FNDC1: variants seen among roughly 807,000 people sequenced by gnomAD.
FNDC1 encodes the protein fibronectin type III domain-containing protein 1.
FNDC1 carries 96 observed loss-of-function variants against 168.0 expected under a neutral mutation model. The ratio of observed to expected loss-of-function variants is 0.57; its 90% confidence interval spans 0.48 to 0.68. FNDC1 has a LOEUF of 0.68. Ranked by LOEUF, FNDC1 falls within the 30% of genes least tolerant of loss-of-function variation. The probability of loss-of-function intolerance (pLI) is 0.00; values close to 1 mark genes in which losing one functional copy is unlikely to be tolerated. For synonymous variants in FNDC1, 1,099 were observed against 1,025.9 expected (o/e 1.07, Z -1.36); for missense variants, 2,587 against 2,482.1 (o/e 1.04, Z -0.90).
intron 1 of FNDC1, among the ~76,000 whole-genome samples, chr6:159,180,496 A>G (rs1288832125): frequency 6.6e-6 from 1 of 152,018 alleles, no homozygotes; most frequent in African/African-American, 2.4e-5. Context: ...TTTAAGTTCC[A>G]GGGTACATGT....
At chr6:159,198,642 T>G (rs547755648) in intron 2 of FNDC1, among the ~76,000 whole-genome samples, 8 of 152,332 alleles carry the variant, frequency 5.3e-5, no homozygotes, top group Non-Finnish European at 1.2e-4. Context: ...ATCTCCTTGC[T>G]CAAACCTTGG....
intron 18 of FNDC1, 93 bp from the exon 19 acceptor site, chr6:159,261,097 C>A: frequency 1.1e-6 from 1 of 893,950 alleles, no homozygotes; most frequent in South Asian, 1.5e-5. Context: ...CAAAGCCTGT[C>A]ACGGTTCAGG....
chr6:159,215,174 T>G (rs770569902), intron 5 of FNDC1, 23 bp downstream of exon 5: 1 of 1,591,190 alleles, frequency 6.3e-7, no homozygotes, highest in Non-Finnish European at 8.6e-7. Flanking sequence ...TTCATTGGTA[T>G]TCAATGTTTC....
At chr6:159,177,765 T>G (rs1258094953) in intron 1 of FNDC1, among the ~76,000 whole-genome samples, 1 of 152,060 alleles carries the variant, frequency 6.6e-6, no homozygotes. Context: ...GACAGAAAGC[T>G]CAGGAGTGCC....
chr6:159,204,455 G>A (rs541972074), intron 4 of FNDC1, among the ~76,000 whole-genome samples: 5 of 152,212 alleles, frequency 3.3e-5, no homozygotes, highest in Non-Finnish European at 5.9e-5. Flanking sequence ...ACACCCTCAC[G>A]TCAGAAGCTT....
At chr6:159,228,269 G>A (rs1269630944) in intron 9 of FNDC1, among the ~76,000 whole-genome samples, 1 of 152,168 alleles carries the variant, frequency 6.6e-6, no homozygotes, top group Non-Finnish European at 1.5e-5. Context: ...GCCTGCTTAG[G>A]TCGTTTTTGT....
intron 5 of FNDC1, among the ~76,000 whole-genome samples, chr6:159,219,500 A>AGC (rs1782777647): frequency 6.6e-6 from 1 of 151,960 alleles, no homozygotes; most frequent in Non-Finnish European, 1.5e-5. Context: ...ATTGAGAGCC[A>AGC]GGCTTTGGTG....
chr6:159,195,632 G>A (rs1181695649), intron 1 of FNDC1, among the ~76,000 whole-genome samples: 1 of 152,134 alleles, frequency 6.6e-6, no homozygotes, highest in Non-Finnish European at 1.5e-5. Context: ...ATTATTCTGT[G>A]CTGTGTCCAA....
Position 159,226,753 on chromosome 6 carries a change from T to A in FNDC1, c.1180+173T>A, listed in dbSNP as rs183304305. On this transcript the variant is annotated intron_variant, in intron 9 of 22. Coordinates refer to ENST00000297267, the MANE Select transcript of FNDC1 (RefSeq NM_032532.3). ...TTTTCATTGCCCAAGATCCAAGCAG[T>A]CACGAAAGTGACTATTCTTTTCATC... Among the ~76,000 whole-genome samples the A allele has an allele frequency of 7.9e-5, 12 of 152,304 alleles. No individual in the cohort carries two copies. The East Asian group carries it at 1.7e-3, about 22-fold the overall frequency.
At chr6:159,180,880 A>G (rs1016755447) in intron 1 of FNDC1, among the ~76,000 whole-genome samples, 2 of 152,012 alleles carry the variant, frequency 1.3e-5, no homozygotes, top group Non-Finnish European at 2.9e-5. Context: ...CCAGTCTATC[A>G]CTGATGTGAT....
chr6:159,238,569 C>T lies in FNDC1; in HGVS notation c.4084C>T (p.Arg1362Cys), dbSNP rs141477618. Residue 1362 changes from arginine (R) to cysteine (C), a missense_variant, in exon 13 of 23, where the codon CGT becomes TGT. Coordinates refer to ENST00000297267, the MANE Select transcript of FNDC1 (RefSeq NM_032532.3). ...QGTKWVVDLD[R>C]GLVLNAEGRY... ...ATGGATTTAGGTTGTGGACCTTGAT[C>T]GTGGGTTAGTATTGAATGCAGAAGG... The T allele has an allele frequency of 4.5e-5, 73 of 1,609,546 alleles. No individual in the cohort carries two copies. Among genetic ancestry groups the T allele is most frequent in the Non-Finnish European group, 5.9e-5 (69 of 1,177,908 alleles).
chr6:159,236,769 CA>C (rs1212439056), intron 12 of FNDC1, among the ~76,000 whole-genome samples: 1 of 152,088 alleles, frequency 6.6e-6, no homozygotes, highest in African/African-American at 2.4e-5. Flanking sequence ...AATAAACAAA[CA>C]AAAAACCCTG....
At chr6:159,188,369 CTTTTTTTTTTTT>C (rs61551779) in intron 1 of FNDC1, among the ~76,000 whole-genome samples, 2 of 128,660 alleles carry the variant, frequency 1.6e-5, no homozygotes, top group Non-Finnish European at 1.7e-5. Flanking sequence ...CAATTTCTTT[CTTTTTTTTTTTT>C]TTTTTTTTTT....
chr6:159,230,068 C>A, intron 10 of FNDC1, 65 bp downstream of exon 10: 4 of 1,464,278 alleles, frequency 2.7e-6, no homozygotes, highest in South Asian at 1.4e-5. Context: ...TTTTGTGTTC[C>A]TTTGAATCAT....
In FNDC1 at chr6:159,232,917, A is replaced by C. The variant is rs1284474176; in HGVS notation, c.2405A>C (p.Glu802Ala). ...GDREDGGRQA[E>A]ATAQTLRARP... ...AGGGAAGACGGCGGAAGGCAGGCGG[A>C]GGCCACGGCCCAGACGCTGCGGGCC... The change falls in exon 11 of 23, where the codon GAG (glutamate) becomes GCG (alanine). Residue 802 changes from glutamate to alanine, a missense_variant. Coordinates refer to ENST00000297267, the MANE Select transcript of FNDC1 (RefSeq NM_032532.3). This position sits in a 1 kb window ranked among gnomAD's most constrained non-coding sequence, Gnocchi z 4.9. 2 of 1,611,922 alleles carry C rather than the reference A, an allele frequency of 1.2e-6. No individual in the cohort carries two copies. The highest frequency in any genetic ancestry group is 3.3e-5 in the Admixed American group (2 of 59,948).
chr6:159,194,641 T>C (rs1782206650), intron 1 of FNDC1, among the ~76,000 whole-genome samples: 1 of 152,186 alleles, frequency 6.6e-6, no homozygotes, highest in Non-Finnish European at 1.5e-5. Context: ...AGGATTGCAC[T>C]CATGAGACCT....
chr6:159,228,906 C>A (rs184953183), intron 9 of FNDC1, among the ~76,000 whole-genome samples: 162 of 152,274 alleles, frequency 1.1e-3, no homozygotes, highest in Admixed American at 3.6e-3. Flanking sequence ...AAACTTCTGA[C>A]CTCAAGTCAT....
intron 18 of FNDC1, among the ~76,000 whole-genome samples, chr6:159,257,614 G>C (rs761989182): frequency 6.6e-6 from 1 of 152,172 alleles, no homozygotes; most frequent in Non-Finnish European, 1.5e-5. Context: ...TCATTAGACA[G>C]GCATGTGGTA....
At chr6:159,265,934 A>G in intron 20 of FNDC1, 150 bp from the exon 21 acceptor site, 1 of 879,108 alleles carries the variant, frequency 1.1e-6, no homozygotes, top group South Asian at 1.8e-5. Context: ...TCAAAAACAA[A>G]CAAACAAACA....
Sources: gnomAD v4.1 joint callset for allele counts (sites outside exome capture counted in the v4.1 genomes callset) on GRCh38, gnomAD v4.1.1 for gene constraint, Gnocchi (gnomAD v3.1) non-coding constraint, MANE v1.5 for transcripts, NCBI Gene and HGNC (gene_info 2026-07-23, HGNC 2026-07-21) for gene names.